Variants in TMEM135 observed in about 807,000 individuals in gnomAD.
The protein encoded by TMEM135 is peroxisomal membrane protein 52.
Under a neutral mutation model 60.3 loss-of-function variants are expected in TMEM135, and 30 were observed. That is an observed-to-expected ratio of 0.50 (90% CI 0.37 to 0.68). TMEM135 has a LOEUF of 0.68. Among genes scored for constraint, TMEM135 ranks in the 30% least tolerant of loss-of-function variants. TMEM135 has a pLI of 0.00. For missense variants in TMEM135, 468 were observed against 548.8 expected, an observed-to-expected ratio of 0.85 and a Z score of 1.47; for synonymous variants, 190 against 186.7, an observed-to-expected ratio of 1.02 and a Z score of -0.14.
intron 6 of TMEM135, among the ~76,000 whole-genome samples, chr11:87,273,539 G>A (rs1475407949): frequency 6.6e-6 from 1 of 152,016 alleles, no homozygotes; most frequent in Non-Finnish European, 1.5e-5. Context: ...CTCACAAAAT[G>A]AAAATCATCA....
At chr11:87,157,949 T>C (rs1938746832) in intron 5 of TMEM135, 1 of 152,862 alleles carries the variant, frequency 6.5e-6, no homozygotes, top group Non-Finnish European at 1.5e-5. Context: ...ATGTTAAAAT[T>C]ATTACCAGCT....
At chr11:87,142,917 T>C (rs1442013896) in intron 4 of TMEM135, among the ~76,000 whole-genome samples, 2 of 151,998 alleles carry the variant, frequency 1.3e-5, no homozygotes, top group African/African-American at 4.8e-5. Flanking sequence ...TCTTCCTCCT[T>C]TTCTATCTCC....
chr11:87,056,923 T>C (rs1371537052), intron 1 of TMEM135, among the ~76,000 whole-genome samples: 3 of 152,210 alleles, frequency 2.0e-5, no homozygotes, highest in African/African-American at 4.8e-5. Context: ...AATTAAAGTA[T>C]TTCACATTAG....
intron 10 of TMEM135, among the ~76,000 whole-genome samples, chr11:87,310,235 G>T (rs1422034637): frequency 6.6e-6 from 1 of 152,040 alleles, no homozygotes; most frequent in Non-Finnish European, 1.5e-5. Flanking sequence ...TCCTATAAAA[G>T]TGTCCATACA....
intron 6 of TMEM135, chr11:87,277,036 A>G (rs1941981160): frequency 6.5e-6 from 1 of 152,706 alleles, no homozygotes; most frequent in Admixed American, 6.5e-5. Flanking sequence ...TGCAGAATTT[A>G]TATTATGAAT....
chr11:87,127,907 A>G (rs1366426026), intron 4 of TMEM135, among the ~76,000 whole-genome samples: 1 of 152,228 alleles, frequency 6.6e-6, no homozygotes, highest in Admixed American at 6.5e-5. Flanking sequence ...CCAGCAGAAT[A>G]CAATAATGTA....
intron 4 of TMEM135, among the ~76,000 whole-genome samples, chr11:87,115,933 AT>A (rs1284463231): frequency 6.6e-6 from 1 of 152,100 alleles, no homozygotes; most frequent in Non-Finnish European, 1.5e-5. Context: ...TATTTAGTTT[AT>A]TTAACCTATC....
At chr11:87,071,063 A>G (rs1856765772) in intron 2 of TMEM135, among the ~76,000 whole-genome samples, 1 of 152,188 alleles carries the variant, frequency 6.6e-6, no homozygotes, top group East Asian at 1.9e-4. Flanking sequence ...CATAGCCAGC[A>G]GGTTTGGATC....
At position 87,310,037 on chromosome 11, in the gene TMEM135, G is replaced by A. The variant is rs1942614673; in HGVS notation, c.936+365G>A. ...TATTTATTTTTTTATCATATTTACT[G>A]CCTGGTTATTAATTTAAATGTATTT... On this transcript the variant is annotated intron_variant, in intron 10 of 14. Transcript: ENST00000305494. 3.3e-5 allele frequency among the ~76,000 whole-genome samples: 5 copies of A among 151,722 alleles called. No individual in the cohort carries two copies. The South Asian group carries it at 1.0e-3, about 32-fold the overall frequency.
intron 7 of TMEM135, 58 bp downstream of exon 7, chr11:87,295,881 T>G: frequency 7.3e-7 from 1 of 1,360,958 alleles, no homozygotes. Flanking sequence ...TAAAAAATTA[T>G]ACATAATTAC....
intron 4 of TMEM135, among the ~76,000 whole-genome samples, chr11:87,146,102 G>A (rs1041772402): frequency 7.2e-5 from 11 of 152,144 alleles, no homozygotes; most frequent in African/African-American, 2.4e-4. Context: ...ACTGATTTTT[G>A]TATATGGTGT....
At chr11:87,275,853 G>T (rs896916376) in intron 6 of TMEM135, among the ~76,000 whole-genome samples, 2 of 151,924 alleles carry the variant, frequency 1.3e-5, no homozygotes, top group African/African-American at 4.8e-5. Flanking sequence ...GTAGAGACGG[G>T]GTTTCACCAT....
intron 6 of TMEM135, among the ~76,000 whole-genome samples, chr11:87,281,787 A>G (rs1341395370): frequency 6.6e-6 from 1 of 152,226 alleles, no homozygotes; most frequent in Non-Finnish European, 1.5e-5. Context: ...AAGTCAGAAC[A>G]CAGTTTCCTA....
intron 5 of TMEM135, among the ~76,000 whole-genome samples, chr11:87,180,071 A>C (rs1008481649): frequency 8.5e-5 from 13 of 152,158 alleles, no homozygotes; most frequent in Non-Finnish European, 1.5e-5. Context: ...GTTTATGGTC[A>C]GAGGACTGGA....
intron 10 of TMEM135, 136 bp from the exon 11 acceptor site, chr11:87,313,289 G>A (rs1480548851): frequency 1.5e-6 from 1 of 665,284 alleles, no homozygotes; most frequent in Non-Finnish European, 2.7e-6. Flanking sequence ...AATCATGTAT[G>A]CAGTTTGATT....
At chr11:87,169,497 G>A (rs749274756) in intron 5 of TMEM135, among the ~76,000 whole-genome samples, 16 of 151,768 alleles carry the variant, frequency 1.1e-4, no homozygotes, top group Admixed American at 4.6e-4. Flanking sequence ...GGCAGGCCTG[G>A]TGGTGACAAA....
chr11:87,140,645 G>C (rs1317892438), intron 4 of TMEM135, among the ~76,000 whole-genome samples: 2 of 152,142 alleles, frequency 1.3e-5, no homozygotes, highest in African/African-American at 2.4e-5. Flanking sequence ...AATCTGCAGT[G>C]ATGAAATTTT....
At chr11:87,070,327 A>G (rs1762249374) in intron 2 of TMEM135, among the ~76,000 whole-genome samples, 1 of 152,026 alleles carries the variant, frequency 6.6e-6, no homozygotes, top group South Asian at 2.1e-4. Flanking sequence ...AGGAAAAAAA[A>G]CTTCCTCATG....
chr11:87,302,486 T>C, intron 8 of TMEM135, 44 bp downstream of exon 8: 1 of 1,610,642 alleles, frequency 6.2e-7, no homozygotes, highest in East Asian at 2.2e-5. Flanking sequence ...TGTCACTGTT[T>C]CATATGATAT....
Sources: gnomAD v4.1 joint callset for allele counts (sites outside exome capture counted in the v4.1 genomes callset) on GRCh38, gnomAD v4.1.1 for gene constraint, MANE v1.5 for transcripts, NCBI Gene and HGNC (gene_info 2026-07-23, HGNC 2026-07-21) for gene names.